Variants in PRKCQ observed in about 807,000 individuals in gnomAD.
The protein encoded by PRKCQ is protein kinase C theta type.
In PRKCQ, 41 loss-of-function variants were observed where a neutral mutation model predicts 91.2. The ratio of observed to expected loss-of-function variants is 0.45; its 90% CI spans 0.35 to 0.58. PRKCQ has a LOEUF of 0.58. PRKCQ is among the 20% of genes least tolerant of loss of function. The probability of loss-of-function intolerance (pLI) is 0.00; values close to 1 mark genes in which losing one functional copy is unlikely to be tolerated. For missense variants in PRKCQ, 673 were observed against 896.5 expected (o/e 0.75, Z 3.18); for synonymous variants, 307 against 316.9 (o/e 0.97, Z 0.33).
At chr10:6,542,764 G>A (rs1440205725) in intron 1 of PRKCQ, among the ~76,000 whole-genome samples, 2 of 152,082 alleles carry the variant, frequency 1.3e-5, no homozygotes, top group East Asian at 3.9e-4. Flanking sequence ...TGCCTGCTTT[G>A]TGCTTCTAAC....
rs756320778 is a variant in PRKCQ, at chr10:6,498,434, T to C, written c.504A>G (p.Pro168=). ...KCHEFTATFF[P]QPTFCSVCHE... is the part of the protein sequence containing the mutation. ...GGCAGACAGAGCAAAATGTGGGCTGTGGGAAGAAGGTGGCAGTGAACTCGT... is the reference window on the plus strand; with the variant it reads ...GGCAGACAGAGCAAAATGTGGGCTGCGGGAAGAAGGTGGCAGTGAACTCGT... Residue 168 remains proline (P), a synonymous_variant, in exon 5 of 18, where the codon CCA becomes CCG. Transcript: ENST00000263125. 6.2e-6 allele frequency: 10 copies of C among 1,614,134 alleles called. No individual in the cohort carries two copies. The highest frequency in any genetic ancestry group is 8.5e-6 in the Non-Finnish European group (10 of 1,180,010).
chr10:6,398,981 G>A, the PRKCQ span, among the ~76,000 whole-genome samples: 1 of 152,178 alleles, frequency 6.6e-6, no homozygotes, highest in South Asian at 2.1e-4. Flanking sequence ...GGCTGGTCTC[G>A]AACTTCTGAA....
intron 4 of PRKCQ, 31 bp downstream of exon 4, chr10:6,507,405 C>T (rs1418657756): frequency 1.3e-6 from 2 of 1,594,152 alleles, no homozygotes; most frequent in Non-Finnish European, 8.6e-7. Flanking sequence ...GCCCTCCTCA[C>T]CCCCAAACAG....
At chr10:6,415,023 T>C in the PRKCQ span, among the ~76,000 whole-genome samples, 678 of 152,110 alleles carry the variant, frequency 4.5e-3, 5 homozygotes, top group Middle Eastern at 6.8e-3. Flanking sequence ...AGTGCGGTGG[T>C]GCAATCTCCA....
chr10:6,521,751 T>A (rs1177515581), intron 1 of PRKCQ, among the ~76,000 whole-genome samples: 2 of 152,118 alleles, frequency 1.3e-5, no homozygotes, highest in African/African-American at 2.4e-5. Context: ...AAACCCTCCA[T>A]CTATCTCTTG....
At chr10:6,486,181 A>G (rs752203473) in intron 8 of PRKCQ, 37 bp from the exon 9 acceptor site, 2 of 1,548,692 alleles carry the variant, frequency 1.3e-6, no homozygotes. Flanking sequence ...CAAGAGTGGA[A>G]GAACCCCCTG....
At chr10:6,524,464 C>T (rs1428524554) in intron 1 of PRKCQ, among the ~76,000 whole-genome samples, 1 of 152,174 alleles carries the variant, frequency 6.6e-6, no homozygotes, top group Non-Finnish European at 1.5e-5. Context: ...TACCACCTGC[C>T]ACATCTACCG....
At chr10:6,423,311 A>G (rs4750434), downstream of PRKCQ, among the ~76,000 whole-genome samples, 27,379 of 152,204 alleles carry the variant, frequency 0.18, 3,184 homozygotes, top group Non-Finnish European at 0.24. Context: ...ACACAGGCAC[A>G]CGCATGCCCC....
intron 4 of PRKCQ, among the ~76,000 whole-genome samples, chr10:6,505,193 A>C (rs1373855991): frequency 6.6e-6 from 1 of 152,052 alleles, no homozygotes; most frequent in East Asian, 1.9e-4. Context: ...TGCCCGGCCA[A>C]AGCTTTATTC....
intron 12 of PRKCQ, among the ~76,000 whole-genome samples, chr10:6,472,033 G>A (rs1312230960): frequency 6.6e-6 from 1 of 152,210 alleles, no homozygotes; most frequent in Non-Finnish European, 1.5e-5. Flanking sequence ...TAGGGGCCGG[G>A]CGCGGTGGCT....
chr10:6,513,462 A>T (rs1251704895), intron 2 of PRKCQ, among the ~76,000 whole-genome samples: 1 of 151,896 alleles, frequency 6.6e-6, no homozygotes, highest in Non-Finnish European at 1.5e-5. Flanking sequence ...AAAAAAAAAA[A>T]AAAAAGCCCT....
At chr10:6,455,379 G>T (rs987731589) in intron 15 of PRKCQ, among the ~76,000 whole-genome samples, 22 of 152,164 alleles carry the variant, frequency 1.4e-4, no homozygotes, top group African/African-American at 5.3e-4. Context: ...TAAGCTAAAA[G>T]ACATCATTCC....
the PRKCQ span, among the ~76,000 whole-genome samples, chr10:6,413,223 C>T: frequency 4.6e-5 from 7 of 152,114 alleles, no homozygotes; most frequent in African/African-American, 1.4e-4. Flanking sequence ...AAGTGCTGGG[C>T]TTACAGGCGT....
intron 1 of PRKCQ, among the ~76,000 whole-genome samples, chr10:6,570,978 T>G (rs1379965017): frequency 2.0e-5 from 3 of 152,044 alleles, no homozygotes; most frequent in Admixed American, 1.3e-4. Flanking sequence ...AACTTGTACT[T>G]TCTCAGGGAA....
At chr10:6,408,060 T>C in the PRKCQ span, among the ~76,000 whole-genome samples, 1 of 148,684 alleles carries the variant, frequency 6.7e-6, no homozygotes, top group Non-Finnish European at 1.5e-5. Context: ...TTTTTTTTTT[T>C]TTTTTTTTTT....
the PRKCQ span, among the ~76,000 whole-genome samples, chr10:6,411,714 TAAA>T: frequency 6.6e-6 from 1 of 152,328 alleles, no homozygotes; most frequent in Admixed American, 6.5e-5. Context: ...AAATATTGGC[TAAA>T]TTGTCCTTTA....
At chr10:6,431,680 T>A (rs1257239689) in intron 16 of PRKCQ, among the ~76,000 whole-genome samples, 1 of 152,260 alleles carries the variant, frequency 6.6e-6, no homozygotes, top group Non-Finnish European at 1.5e-5. Flanking sequence ...CTTACAAAGC[T>A]GCATTCTTAG....
chr10:6,561,017 C>T (rs144081919), intron 1 of PRKCQ, among the ~76,000 whole-genome samples: 1,598 of 144,436 alleles, frequency 0.011, 12 homozygotes, highest in Non-Finnish European at 0.016. Flanking sequence ...CCAGCCTGGG[C>T]GACAGAGGGA....
At chr10:6,506,911 A>G (rs12260429) in intron 4 of PRKCQ, among the ~76,000 whole-genome samples, 1,774 of 152,350 alleles carry the variant, frequency 0.012, 38 homozygotes, top group African/African-American at 0.04. Context: ...CAAAGTCCAC[A>G]TGTAACATGG....
Sources: gnomAD v4.1 joint callset for allele counts (sites outside exome capture counted in the v4.1 genomes callset) on GRCh38, gnomAD v4.1.1 for gene constraint, MANE v1.5 for transcripts, NCBI Gene and HGNC (gene_info 2026-07-23, HGNC 2026-07-21) for gene names.